The following GRM7 variants were observed in gnomAD, a reference collection of about 807,000 sequenced individuals.
GRM7 encodes metabotropic glutamate receptor 7.
Under a neutral mutation model 84.5 loss-of-function variants are expected in GRM7, and 35 were observed. That is an observed-to-expected ratio of 0.41 (90% confidence interval 0.32 to 0.55). The LOEUF is 0.55. Ranked by LOEUF, GRM7 falls within the 20% of genes least tolerant of loss-of-function variation. GRM7 has a pLI of 0.19. For synonymous variants in GRM7, 487 were observed against 455.1 expected, an observed-to-expected ratio of 1.07 and a Z score of -0.89; for missense variants, 1,003 against 1,194.6, an observed-to-expected ratio of 0.84 and a Z score of 2.36.
intron 7 of GRM7, among the ~76,000 whole-genome samples, chr3:7,491,836 A>C (rs368387352): frequency 6.6e-6 from 1 of 152,206 alleles, no homozygotes. Context: ...TATATAATAA[A>C]TACCTGAAGG....
intron 1 of GRM7, among the ~76,000 whole-genome samples, chr3:6,959,227 G>A (rs1354494206): frequency 6.6e-6 from 1 of 152,104 alleles, no homozygotes; most frequent in Non-Finnish European, 1.5e-5. Flanking sequence ...GAGAAGTTAA[G>A]TACCTTTGCT....
intron 1 of GRM7, among the ~76,000 whole-genome samples, chr3:7,099,044 C>T (rs766364922): frequency 2.6e-5 from 4 of 151,490 alleles, no homozygotes; most frequent in Non-Finnish European, 5.9e-5. Flanking sequence ...TTCCTTAAAG[C>T]CAAGACCTAT....
At chr3:6,983,667 T>C (rs1694285910) in intron 1 of GRM7, among the ~76,000 whole-genome samples, 1 of 152,182 alleles carries the variant, frequency 6.6e-6, no homozygotes, top group Non-Finnish European at 1.5e-5. Flanking sequence ...TTTTGTTTTC[T>C]GGCTTGACAT....
At chr3:7,383,619 T>C (rs2125132318) in intron 4 of GRM7, among the ~76,000 whole-genome samples, 1 of 152,308 alleles carries the variant, frequency 6.6e-6, no homozygotes, top group Non-Finnish European at 1.5e-5. Flanking sequence ...AGATACACCA[T>C]TAAGAGGCCC....
intron 1 of GRM7, among the ~76,000 whole-genome samples, chr3:7,100,006 G>T (rs910954760): frequency 2.7e-5 from 4 of 147,620 alleles, no homozygotes; most frequent in African/African-American, 7.4e-5. Context: ...AATTGCACAT[G>T]TACATATATG....
At chr3:7,110,320 G>GC (rs1342834885) in intron 1 of GRM7, among the ~76,000 whole-genome samples, 3 of 151,984 alleles carry the variant, frequency 2.0e-5, no homozygotes, top group Non-Finnish European at 4.4e-5. Context: ...ACTGATTCAG[G>GC]CCAGGCACGG....
intron 8 of GRM7, among the ~76,000 whole-genome samples, chr3:7,617,904 G>A (rs1697176763): frequency 6.6e-6 from 1 of 152,108 alleles, no homozygotes; most frequent in African/African-American, 2.4e-5. Context: ...TGTGGAGGAA[G>A]GGGCTGCAAA....
intron 1 of GRM7, among the ~76,000 whole-genome samples, chr3:7,065,786 G>C (rs1369860625): frequency 1.3e-5 from 2 of 151,640 alleles, no homozygotes; most frequent in Non-Finnish European, 2.9e-5. Flanking sequence ...TTGGCAATAT[G>C]GTGATTTTCA....
At chr3:7,187,735 T>C (rs1311322235) in intron 2 of GRM7, among the ~76,000 whole-genome samples, 1 of 152,108 alleles carries the variant, frequency 6.6e-6, no homozygotes, top group African/African-American at 2.4e-5. Context: ...AATTTTGGGG[T>C]CATTGGGTCA....
chr3:7,199,051 A>G (rs899158802), intron 2 of GRM7, among the ~76,000 whole-genome samples: 8 of 152,206 alleles, frequency 5.3e-5, no homozygotes, highest in Non-Finnish European at 1.2e-4. Context: ...TTCAAAAGCT[A>G]CTGCTATCAA....
In GRM7 at chr3:7,462,611, G is replaced by T. The variant is rs115238892; in HGVS notation, c.1515+889G>T. Among the ~76,000 whole-genome samples the T allele has an allele frequency of 3.5e-3, 534 of 152,352 alleles. 3 individuals carry two copies. Among genetic ancestry groups the T allele is most frequent in the Non-Finnish European group, 6.3e-3 (427 of 68,032 alleles). On this transcript the variant is annotated intron_variant, in intron 7 of 9. Coordinates refer to ENST00000357716, the MANE Select transcript of GRM7 (RefSeq NM_000844.4). ...TTATTGAGAACAAGGCTTCTTGGGT[G>T]TGGGAAGCAAATCCATTTCTTGGGA...
chr3:6,874,803 G>A (rs1695243908), intron 1 of GRM7, among the ~76,000 whole-genome samples: 1 of 152,200 alleles, frequency 6.6e-6, no homozygotes, highest in Non-Finnish European at 1.5e-5. Context: ...CTAGGAGGTA[G>A]TGAAGGGGAC....
chr3:6,941,540 T>G (rs1371530925), intron 1 of GRM7, among the ~76,000 whole-genome samples: 1 of 152,210 alleles, frequency 6.6e-6, no homozygotes, highest in East Asian at 1.9e-4. Flanking sequence ...ATCTGCTAGA[T>G]CTAACCTCTA....
rs189959965 is a variant in GRM7, at chr3:7,658,418, C to T, written c.2452-21631C>T. On this transcript the variant is annotated intron_variant, in intron 8 of 9. Coordinates refer to ENST00000357716, the MANE Select transcript of GRM7 (RefSeq NM_000844.4). ...CCATTGCCATTTTTTGGTAGCCTTT[C>T]GCCTAGATAAAAGTTGGCAATAATT... Among the ~76,000 whole-genome samples the T allele has an allele frequency of 2.9e-3, 435 of 152,216 alleles. 7 individuals are homozygous for T. The highest frequency in any genetic ancestry group is 0.017 in the Middle Eastern group (5 of 294).
chr3:7,417,133 A>T (rs1696196984), intron 5 of GRM7, among the ~76,000 whole-genome samples: 1 of 152,158 alleles, frequency 6.6e-6, no homozygotes, highest in African/African-American at 2.4e-5. Flanking sequence ...CTACCTTACA[A>T]AAATGGAAAT....
intron 8 of GRM7, 97 bp downstream of exon 8, chr3:7,579,454 A>C: frequency 1.5e-6 from 1 of 684,168 alleles, no homozygotes; most frequent in Non-Finnish European, 2.5e-6. Context: ...GAAGTTTCGT[A>C]TATGCAGAAT....
At chr3:7,737,334 A>G (rs1377260301) in intron 9 of GRM7, among the ~76,000 whole-genome samples, 2 of 152,218 alleles carry the variant, frequency 1.3e-5, no homozygotes, top group Non-Finnish European at 2.9e-5. Context: ...ACTTATGTAG[A>G]TAAGTAGATA....
intron 2 of GRM7, among the ~76,000 whole-genome samples, chr3:7,192,456 G>A (rs1310150213): frequency 1.3e-5 from 2 of 152,106 alleles, no homozygotes; most frequent in African/African-American, 4.8e-5. Flanking sequence ...GAAGTTGGTT[G>A]ACCTCGACTC....
chr3:6,944,563 T>C (rs1336212769), intron 1 of GRM7, among the ~76,000 whole-genome samples: 1 of 152,176 alleles, frequency 6.6e-6, no homozygotes, highest in Non-Finnish European at 1.5e-5. Flanking sequence ...TATATGTTGT[T>C]GGATTTGATT....
Sources: gnomAD v4.1 joint callset for allele counts (sites outside exome capture counted in the v4.1 genomes callset) on GRCh38, gnomAD v4.1.1 for gene constraint, MANE v1.5 for transcripts, NCBI Gene and HGNC (gene_info 2026-07-23, HGNC 2026-07-21) for gene names.